PRDX4: variants seen among roughly 807,000 people sequenced by gnomAD.
PRDX4 encodes the protein peroxiredoxin 4, also known as peroxiredoxin-4.
Under a neutral mutation model 20.5 loss-of-function variants are expected in PRDX4, and 12 were observed. The observed-to-expected ratio is 0.58, with a 90% CI of 0.37 to 0.95. The LOEUF (loss-of-function observed/expected upper bound fraction) is 0.95. Among genes scored for constraint, PRDX4 ranks in the 40% least tolerant of loss-of-function variants. The probability of loss-of-function intolerance (pLI) is 0.01; values close to 1 mark genes in which losing one functional copy is unlikely to be tolerated. For missense variants in PRDX4, 180 were observed against 207.3 expected, an observed-to-expected ratio of 0.87 and a Z score of 0.81; for synonymous variants, 99 against 87.5, an observed-to-expected ratio of 1.13 and a Z score of -0.73.
chrX:23,676,617 C>T (rs1927953951), intron 3 of PRDX4, among the ~76,000 whole-genome samples: 1 of 108,465 alleles, frequency 9.2e-6, no homozygotes, highest in Non-Finnish European at 1.9e-5. Flanking sequence ...ATAGTGAGAC[C>T]CCATCTATAC....
At chrX:23,682,853 A>AAAAAT (rs1555933130) in intron 5 of PRDX4, among the ~76,000 whole-genome samples, 26 of 14,854 alleles carry the variant, frequency 1.8e-3, no homozygotes, top group Non-Finnish European at 2.5e-3. Context: ...AAAAAAAAAA[A>AAAAAT]ATATATATAT....
At chrX:23,684,429 T>C (rs1928146900) in intron 6 of PRDX4, among the ~76,000 whole-genome samples, 1 of 111,763 alleles carries the variant, frequency 8.9e-6, no homozygotes, top group Non-Finnish European at 1.9e-5. Context: ...ATACTGAAGA[T>C]AATGATTCTC....
Position 23,682,495 on chromosome X carries a change from A to G in PRDX4, c.699A>G (p.Gln233=), listed in dbSNP as rs201315717. The G allele has an allele frequency of 1.2e-5, 14 of 1,178,269 alleles. No homozygotes were observed. In the Admixed American group the frequency reaches 3.0e-4, roughly 25 times the overall value. Residue 233 remains glutamine, a synonymous_variant, in exon 5 of 7, where the codon CAA becomes CAG. Transcript: ENST00000379341. ...RSVDETLRLV[Q]AFQYTDKHGE... is the part of the protein sequence containing the mutation. ...TGGATGAGACACTACGTTTGGTTCA[A>G]GCATTCCAGTACACTGACAAACACG...
intron 1 of PRDX4, among the ~76,000 whole-genome samples, chrX:23,669,917 CAAA>C (rs72444639): frequency 2.2e-5 from 2 of 89,077 alleles, no homozygotes; most frequent in Admixed American, 1.3e-4. Flanking sequence ...ACTCTTGTCT[CAAA>C]AAAAAAAAAA....
At chrX:23,671,760 T>A in intron 2 of PRDX4, 114 bp downstream of exon 2, 1 of 499,079 alleles carries the variant, frequency 2.0e-6, no homozygotes, top group Non-Finnish European at 3.2e-6. Flanking sequence ...CAAGCTGAAG[T>A]AAAGAAATGT....
chrX:23,678,775 A>T (rs372883380), intron 3 of PRDX4, among the ~76,000 whole-genome samples: 1 of 111,083 alleles, frequency 9.0e-6, no homozygotes, highest in South Asian at 3.8e-4. Flanking sequence ...TCTCTACAAA[A>T]AAGTGTTTAA....
chrX:23,671,468 CCTT>C (rs1167189630), intron 1 of PRDX4, 58 bp from the exon 2 acceptor site: 2 of 894,958 alleles, frequency 2.2e-6, no homozygotes, highest in Non-Finnish European at 3.2e-6. Flanking sequence ...CTAAAGATGT[CCTT>C]CTACCATTCC....
rs763657793 is a variant in PRDX4 at position 23,669,799 on chromosome X, C to T, written c.242-1730C>T. Among the ~76,000 whole-genome samples the T allele has an allele frequency of 3.6e-5, 4 of 110,241 alleles. No individual in the cohort carries two copies. The Admixed American group carries it at 3.9e-4, about 11-fold the overall frequency. Reference sequence around the variant, plus strand: ...GGGTGTGATGGCGCATACCTGTAATCCCAGCTACTGGGCAGGCTGAGGCAA... The same window carrying T: ...GGGTGTGATGGCGCATACCTGTAATTCCAGCTACTGGGCAGGCTGAGGCAA... On this transcript the variant is annotated intron_variant, in intron 1 of 6. Transcript: ENST00000379341.
chrX:23,671,397 TCTGTAAG>T, intron 1 of PRDX4, 125 bp from the exon 2 acceptor site: 1 of 463,738 alleles, frequency 2.2e-6, no homozygotes, highest in Non-Finnish European at 3.7e-6. Context: ...TTTTAAGAAG[TCTGTAAG>T]CTTCACCAGA....
In PRDX4 at chrX:23,681,289, G is replaced by A. The variant is rs1436529489; in HGVS notation, c.600-1107G>A. ...GTGGTTTTTGTGTATTCACAGAGTT[G>A]TGCAACCATCACCACAATTTTAGAA... On this transcript the variant is annotated intron_variant, in intron 4 of 6. Transcript: ENST00000379341. Among the ~76,000 whole-genome samples the A allele has an allele frequency of 2.7e-5, 3 of 112,062 alleles. No individual in the cohort carries two copies. In the Admixed American group the frequency reaches 2.8e-4, roughly 11 times the overall value.
At chrX:23,680,010 G>C (rs1313319996) in intron 4 of PRDX4, among the ~76,000 whole-genome samples, 1 of 112,231 alleles carries the variant, frequency 8.9e-6, no homozygotes, top group African/African-American at 3.2e-5. Context: ...AAAGAAAAAT[G>C]TTACTTTGTT....
chrX:23,669,167 G>A (rs937227903), intron 1 of PRDX4, among the ~76,000 whole-genome samples: 1 of 111,491 alleles, frequency 9.0e-6, no homozygotes, highest in Admixed American at 9.5e-5. Flanking sequence ...CTCATGATCC[G>A]CCTGCCTTGG....
chrX:23,682,562 T>C, intron 5 of PRDX4, 36 bp downstream of exon 5: 2 of 1,056,120 alleles, frequency 1.9e-6, no homozygotes. Flanking sequence ...TTTTTTAGTT[T>C]GAAAGATAGC....
In PRDX4 at chrX:23,667,780, C is replaced by T. The variant is rs1415618781; in HGVS notation, c.210C>T (p.Ala70=). The T allele has an allele frequency of 3.3e-6, 4 of 1,211,331 alleles. No homozygotes were observed. In the South Asian group the frequency reaches 7.0e-5, roughly 21 times the overall value. Residue 70 remains alanine, a synonymous_variant, in exon 1 of 7, where the codon GCC becomes GCT. Coordinates refer to ENST00000379341, the MANE Select transcript of PRDX4 (RefSeq NM_006406.2). ...YPGEASRVSV[A]DHSLHLSKAK... ...GAGAGGCATCCCGGGTATCGGTCGC[C>T]GACCACTCCCTGCACCTAAGCAAAG...
At chrX:23,678,475 C>T (rs917247353) in intron 3 of PRDX4, among the ~76,000 whole-genome samples, 28 of 108,991 alleles carry the variant, frequency 2.6e-4, no homozygotes, top group African/African-American at 8.7e-4. Flanking sequence ...ACTAAAAATG[C>T]AAAAATCAGC....
In PRDX4 at chrX:23,675,178, TTGATA is replaced by T. The variant is rs369100323; in HGVS notation, c.476+79_476+83del. 331 of 1,205,802 alleles carry T rather than the reference TTGATA, an allele frequency of 2.7e-4. 1 individual carries two copies. In the African/African-American group the frequency reaches 4.4e-3, roughly 16 times the overall value. On this transcript the variant is annotated intron_variant, in intron 3 of 6. Coordinates refer to ENST00000379341, the MANE Select transcript of PRDX4 (RefSeq NM_006406.2). ...CTCTTAAAGCATGGACAGATAACTC[TTGATA>T]TGATATAAGAATATAGTCATTTATC...
In PRDX4 at chrX:23,667,602, C is replaced by T. The variant is rs1174494123; in HGVS notation, c.32C>T (p.Thr11Ile). The change falls in exon 1 of 7, where the codon ACT becomes ATT. Residue 11 changes from threonine to isoleucine, a missense_variant. By Grantham distance (89) the Thr-to-Ile change is moderately conservative. Coordinates refer to ENST00000379341, the MANE Select transcript of PRDX4 (RefSeq NM_006406.2). MEALPLLAAT[T>I]PDHGRHRRLL... ...GCGCTGCCGCTGCTAGCCGCGACAA[C>T]TCCGGACCACGGCCGCCACCGAAGG... 16 of 1,191,884 alleles carry T rather than the reference C, an allele frequency of 1.3e-5. No homozygotes were observed. The highest frequency in any genetic ancestry group is 1.7e-5 in the Non-Finnish European group (15 of 886,400).
At chrX:23,669,636 G>T (rs949999825) in intron 1 of PRDX4, among the ~76,000 whole-genome samples, 1 of 111,867 alleles carries the variant, frequency 8.9e-6, no homozygotes, top group Non-Finnish European at 1.9e-5. Context: ...GAACGGAAAG[G>T]CCAGGTGTGG....
intron 1 of PRDX4, among the ~76,000 whole-genome samples, chrX:23,669,222 C>G (rs746288384): frequency 1.8e-5 from 2 of 112,207 alleles, no homozygotes; most frequent in Non-Finnish European, 3.8e-5. Context: ...CGGTGCCCAG[C>G]CTACTTTGAG....
Sources: allele counts gnomAD v4.1 joint callset (sites outside exome capture counted in the v4.1 genomes callset), GRCh38; gene constraint gnomAD v4.1.1; transcripts MANE v1.5; gene names NCBI Gene and HGNC (gene_info 2026-07-23, HGNC 2026-07-21).